The following HECW1 variants were observed in gnomAD, a reference collection of about 807,000 sequenced individuals.
The protein encoded by HECW1 is E3 ubiquitin-protein ligase HECW1.
HECW1 carries 61 observed loss-of-function variants against 182.3 expected under a neutral mutation model. The ratio of observed to expected loss-of-function variants is 0.33; its 90% CI spans 0.27 to 0.41. The LOEUF (loss-of-function observed/expected upper bound fraction) is 0.41, where lower values mean the gene tolerates loss of function less well. Among genes scored for constraint, HECW1 ranks in the 10% least tolerant of loss-of-function variants. The pLI is 1.00. For missense variants in HECW1, 1,739 were observed against 2,108.9 expected (o/e 0.82, Z 3.44); for synonymous variants, 859 against 832.6 (o/e 1.03, Z -0.55).
At position 43,230,000 on chromosome 7, in the gene HECW1, G is replaced by A. The variant is rs73318417; in HGVS notation, c.-31-13875G>A. ...ATTGAGGGTTCATCGTGGCTTCTGT[G>A]GCTCCTGCTGAAGTCAGAGCCTGAC... On this transcript the variant is annotated intron_variant, in intron 2 of 29. Transcript: ENST00000395891. 1.9e-3 allele frequency among the ~76,000 whole-genome samples: 283 copies of A among 152,300 alleles called. 2 individuals are homozygous for A. Among genetic ancestry groups the A allele is most frequent in the African/African-American group, 6.5e-3 (269 of 41,554 alleles).
intron 2 of HECW1, among the ~76,000 whole-genome samples, chr7:43,145,664 A>T (rs978032025): frequency 6.6e-6 from 1 of 152,146 alleles, no homozygotes; most frequent in African/African-American, 2.4e-5. Context: ...CTCTGCCCTT[A>T]ATTGAAAAGT....
chr7:43,488,805 C>T (rs2078821327), intron 17 of HECW1, among the ~76,000 whole-genome samples: 1 of 152,204 alleles, frequency 6.6e-6, no homozygotes, highest in South Asian at 2.1e-4. Flanking sequence ...TACCAACCAA[C>T]CGTTTGCAGA....
At chr7:43,465,813 G>A (rs1417407867) in intron 14 of HECW1, among the ~76,000 whole-genome samples, 1 of 151,900 alleles carries the variant, frequency 6.6e-6, no homozygotes, top group Admixed American at 6.5e-5. Flanking sequence ...AGGATGGCTT[G>A]ACCCCAGGAA....
intron 24 of HECW1, among the ~76,000 whole-genome samples, chr7:43,528,177 G>A (rs2080835598): frequency 6.6e-6 from 1 of 152,170 alleles, no homozygotes; most frequent in Admixed American, 6.5e-5. Flanking sequence ...TCAGTCATGA[G>A]CATCCATGAT....
intron 5 of HECW1, among the ~76,000 whole-genome samples, chr7:43,352,970 A>G (rs1437845062): frequency 6.6e-6 from 1 of 152,014 alleles, no homozygotes; most frequent in Non-Finnish European, 1.5e-5. Flanking sequence ...CAGGGAAGCA[A>G]TTTTCTCCTT....
At chr7:43,436,193 T>A (rs566802633) in intron 8 of HECW1, among the ~76,000 whole-genome samples, 2 of 147,486 alleles carry the variant, frequency 1.4e-5, no homozygotes, top group Non-Finnish European at 3.0e-5. Context: ...AAAGGATTGC[T>A]GTTAGGATTC....
chr7:43,344,818 T>C (rs917935247), intron 5 of HECW1, among the ~76,000 whole-genome samples: 1 of 152,216 alleles, frequency 6.6e-6, no homozygotes, highest in South Asian at 2.1e-4. Flanking sequence ...TTGAGTTCAC[T>C]ATTTCAAAGT....
intron 3 of HECW1, among the ~76,000 whole-genome samples, chr7:43,288,815 A>G (rs886626880): frequency 2.0e-5 from 3 of 152,194 alleles, no homozygotes; most frequent in Non-Finnish European, 4.4e-5. Flanking sequence ...GCAGTGGTTC[A>G]TCTCACCCAC....
At chr7:43,159,715 T>C (rs921765701) in intron 2 of HECW1, among the ~76,000 whole-genome samples, 1 of 146,282 alleles carries the variant, frequency 6.8e-6, no homozygotes, top group Admixed American at 6.9e-5. Flanking sequence ...AATCTTGCTC[T>C]GTCGCCCAGG....
Position 43,151,840 on chromosome 7 carries a change from G to T in HECW1, c.-32+37449G>T, listed in dbSNP as rs1789365840. On this transcript the variant is annotated intron_variant, in intron 2 of 29. Transcript: ENST00000395891. ...GGATAATATTTAAAGATATATAAGA[G>T]AAAATTTACCTAGGCTAAAGAAAGA... 3.3e-5 allele frequency among the ~76,000 whole-genome samples: 5 copies of T among 152,172 alleles called. No individual in the cohort carries two copies. In the South Asian group the frequency reaches 1.0e-3, roughly 32 times the overall value.
At chr7:43,310,038 C>T (rs1808302271) in intron 3 of HECW1, among the ~76,000 whole-genome samples, 1 of 152,214 alleles carries the variant, frequency 6.6e-6, no homozygotes, top group Admixed American at 6.5e-5. Flanking sequence ...AGACCCACAG[C>T]TGGGAAGCTG....
intron 8 of HECW1, among the ~76,000 whole-genome samples, chr7:43,425,417 C>T (rs1050481872): frequency 6.6e-6 from 1 of 152,110 alleles, no homozygotes; most frequent in Non-Finnish European, 1.5e-5. Context: ...CTTCTGGTCA[C>T]TTGTATTTAT....
chr7:43,124,522 A>G (rs1405966027), intron 2 of HECW1, among the ~76,000 whole-genome samples: 1 of 152,204 alleles, frequency 6.6e-6, no homozygotes, highest in Non-Finnish European at 1.5e-5. Context: ...TTGTGAGCAC[A>G]CATCTCCCAG....
intron 16 of HECW1, among the ~76,000 whole-genome samples, chr7:43,479,049 G>T (rs577049925): frequency 6.6e-6 from 1 of 152,076 alleles, no homozygotes; most frequent in African/African-American, 2.4e-5. Context: ...TTTATGGAAG[G>T]CAATTTTTCC....
chr7:43,143,412 T>C (rs1788377586), intron 2 of HECW1, among the ~76,000 whole-genome samples: 1 of 152,090 alleles, frequency 6.6e-6, no homozygotes, highest in African/African-American at 2.4e-5. Context: ...GCCTCCTGAG[T>C]AGCTAGGGCT....
At chr7:43,292,344 C>G (rs1805497544) in intron 3 of HECW1, among the ~76,000 whole-genome samples, 1 of 152,184 alleles carries the variant, frequency 6.6e-6, no homozygotes. Flanking sequence ...TTACGGCCAG[C>G]ACTTGTGCAA....
intron 3 of HECW1, among the ~76,000 whole-genome samples, chr7:43,287,429 A>G (rs549738366): frequency 1.4e-4 from 21 of 151,998 alleles, no homozygotes; most frequent in Non-Finnish European, 2.9e-4. Flanking sequence ...ACCCAAGGGA[A>G]AAGGAGGCAA....
Position 43,188,748 on chromosome 7 carries a change from C to T in HECW1, c.-31-55127C>T, listed in dbSNP as rs565534079. ...TCATTGGCCAGATGAGACTCCTGCC[C>T]CCGTGCCATATCTGGCCAGAAAGAG... On this transcript the variant is annotated intron_variant, in intron 2 of 29. Coordinates refer to ENST00000395891, the MANE Select transcript of HECW1 (RefSeq NM_015052.5). Among the ~76,000 whole-genome samples, 10 of 152,264 alleles carry T rather than the reference C, an allele frequency of 6.6e-5. No individual in the cohort carries two copies. The South Asian group carries it at 1.7e-3, about 25-fold the overall frequency.
At chr7:43,185,406 A>G (rs1201343262) in intron 2 of HECW1, among the ~76,000 whole-genome samples, 2 of 142,038 alleles carry the variant, frequency 1.4e-5, no homozygotes, top group Non-Finnish European at 3.2e-5. Context: ...AAATAGTCGG[A>G]ACTGTCTCAA....
Sources: allele counts gnomAD v4.1 joint callset (sites outside exome capture counted in the v4.1 genomes callset), GRCh38; gene constraint gnomAD v4.1.1; transcripts MANE v1.5; gene names NCBI Gene and HGNC (gene_info 2026-07-23, HGNC 2026-07-21).